Variants in ANKRD26 observed in about 807,000 individuals in gnomAD.
ANKRD26 encodes ankyrin repeat domain 26.
In ANKRD26, 141 loss-of-function variants were observed where a neutral mutation model predicts 208.7. The ratio of observed to expected loss-of-function variants is 0.68; its 90% CI spans 0.59 to 0.78. The LOEUF is 0.78. Ranked by LOEUF, ANKRD26 falls within the 30% of genes least tolerant of loss-of-function variation. The pLI is 0.00. For missense variants in ANKRD26, 1,889 were observed against 1,938.7 expected, an observed-to-expected ratio of 0.97 and a Z score of 0.48; for synonymous variants, 636 against 660.4, an observed-to-expected ratio of 0.96 and a Z score of 0.57.
chr10:27,053,051 G>A (rs1044213617), intron 16 of ANKRD26, among the ~76,000 whole-genome samples: 1 of 151,934 alleles, frequency 6.6e-6, no homozygotes, highest in Admixed American at 6.6e-5. Flanking sequence ...AAATGAAAGA[G>A]GAAACAATAC....
chr10:26,994,064 T>C (rs934196490), intron 5 of ANKRD26, among the ~76,000 whole-genome samples: 3 of 152,228 alleles, frequency 2.0e-5, no homozygotes, highest in Non-Finnish European at 4.4e-5. Context: ...ATCATTGTAA[T>C]GGCTATCATA....
chr10:27,003,929 C>T (rs924499417), downstream of ANKRD26, among the ~76,000 whole-genome samples: 1 of 152,106 alleles, frequency 6.6e-6, no homozygotes, highest in Non-Finnish European at 1.5e-5. Flanking sequence ...GAATTTTCCT[C>T]GGCTATCAAG....
In ANKRD26 at chr10:27,005,223, G is replaced by A. The variant is rs2052829638; in HGVS notation, c.*367C>T. 2.0e-6 allele frequency: 2 copies of A among 1,007,166 alleles called. No individual in the cohort carries two copies. The highest frequency in any genetic ancestry group is 2.4e-6 in the Non-Finnish European group (2 of 843,614). 62.4% of individuals were successfully genotyped at this position (1,007,166 alleles called of 1,614,324 possible). A position where few individuals can be genotyped will look rare whatever the true frequency, so the allele number is the denominator to read the frequency against. On this transcript the variant is annotated 3_prime_UTR_variant, in exon 34 of 34. Transcript: ENST00000376087. Reference sequence around the variant, plus strand: ...AACATGAACAATGACCACAGTTCCTGCACAACAAAATGATGTCTAAGTCCA... The same window carrying A: ...AACATGAACAATGACCACAGTTCCTACACAACAAAATGATGTCTAAGTCCA...
At chr10:26,998,731 T>C (rs377076502) in intron 4 of ANKRD26, among the ~76,000 whole-genome samples, 6 of 152,344 alleles carry the variant, frequency 3.9e-5, no homozygotes, top group South Asian at 2.1e-4. Flanking sequence ...GAGATGTCCC[T>C]ATAGGGTCCC....
At position 27,077,653 on chromosome 10, in the gene ANKRD26, G is replaced by GCT; in HGVS notation, c.853_854insAG (p.Ser285Ter). ...KPSLAKLMTA[S>*]QQSRKNLEAT... ...CTTACAATTTTTCCTGGATTGCTGA[G>GCT]AAGCAGTCATTAGCTTTGCTAAGCT... Residue 285 changes from serine to a stop codon, truncating the protein, a stop_gained and frameshift_variant, in exon 8 of 34, where the codon TCT becomes TAGCT. Transcript: ENST00000376087. LOFTEE classifies it high-confidence loss of function. 1 of 1,613,300 alleles carries GCT rather than the reference G, an allele frequency of 6.2e-7. No individual in the cohort carries two copies. Among genetic ancestry groups the GCT allele is most frequent in the African/African-American group, 1.3e-5 (1 of 75,020 alleles).
At chr10:26,982,254 T>C (rs1010554826) in intron 4 of ANKRD26, among the ~76,000 whole-genome samples, 4 of 152,176 alleles carry the variant, frequency 2.6e-5, no homozygotes, top group African/African-American at 9.7e-5. Flanking sequence ...GTAATTTTCT[T>C]CTGGGCAAAC....
chr10:27,077,664 T>C lies in ANKRD26; in HGVS notation c.843A>G (p.Leu281=). 6.2e-7 allele frequency: 1 copy of C among 1,613,194 alleles called. No individual in the cohort carries two copies. The highest frequency in any genetic ancestry group is 8.5e-7 in the Non-Finnish European group (1 of 1,179,900). ...KNVPKPSLAK[L]MTASQQSRKN... ...TCCTGGATTGCTGAGAAGCAGTCAT[T>C]AGCTTTGCTAAGCTTGGTTTTGGGA... Residue 281 remains leucine, a synonymous_variant, in exon 8 of 34, where the codon CTA becomes CTG. Transcript: ENST00000376087.
intron 23 of ANKRD26, among the ~76,000 whole-genome samples, chr10:27,036,330 T>C (rs765142680): frequency 1.7e-4 from 26 of 151,846 alleles, no homozygotes; most frequent in Admixed American, 3.3e-4. Flanking sequence ...AGTATCACAG[T>C]TTTGAAAAGG....
Position 27,090,787 on chromosome 10 carries a change from G to C in ANKRD26, c.638+1619C>G, listed in dbSNP as rs556552927. Among the ~76,000 whole-genome samples the C allele has an allele frequency of 5.3e-5, 8 of 152,192 alleles. No homozygotes were observed. The East Asian group carries it at 1.5e-3, about 29-fold the overall frequency. On this transcript the variant is annotated intron_variant, in intron 4 of 33. Coordinates refer to ENST00000376087, the MANE Select transcript of ANKRD26 (RefSeq NM_014915.3). The stretch of plus-strand genomic sequence containing the variant: ...GGGGTCAGATAAGAGCTATCTGCAG[G>C]CTTAAAACAGTATTAATAATAATGG...
At chr10:27,007,626 A>G (rs2052937494) in intron 32 of ANKRD26, among the ~76,000 whole-genome samples, 1 of 152,238 alleles carries the variant, frequency 6.6e-6, no homozygotes, top group Non-Finnish European at 1.5e-5. Flanking sequence ...ACTGCACTCC[A>G]GCCTGGATGA....
chr10:27,010,845 A>T (rs1460525866), intron 32 of ANKRD26, among the ~76,000 whole-genome samples: 1 of 152,150 alleles, frequency 6.6e-6, no homozygotes, highest in African/African-American at 2.4e-5. Context: ...TTTTGTACCC[A>T]GTAGGAAAAT....
intron 5 of ANKRD26, among the ~76,000 whole-genome samples, chr10:26,980,141 T>C (rs1314391982): frequency 1.3e-5 from 2 of 152,236 alleles, no homozygotes; most frequent in African/African-American, 4.8e-5. Context: ...CTCAAAGTTT[T>C]ATCAAAACAT....
chr10:26,958,284 C>A, the ANKRD26 span, among the ~76,000 whole-genome samples: 3 of 152,046 alleles, frequency 2.0e-5, no homozygotes, highest in African/African-American at 7.2e-5. Context: ...CTGGGTTTCA[C>A]CATGTTGGCT....
chr10:26,992,469 TACACACACAC>T (rs61459601), intron 5 of ANKRD26, among the ~76,000 whole-genome samples: 22 of 136,390 alleles, frequency 1.6e-4, no homozygotes, highest in African/African-American at 3.9e-4. Context: ...TACACACACG[TACACACACAC>T]ACACACACAC....
At position 27,071,159 on chromosome 10, in the gene ANKRD26, A is replaced by ATTTTTTT. The variant is rs71386906; in HGVS notation, c.1078-3880_1078-3874dup. Among the ~76,000 whole-genome samples the ATTTTTTT allele has an allele frequency of 1.2e-4, 10 of 85,864 alleles. 1 individual carries two copies. The highest frequency in any genetic ancestry group is 3.6e-4 in the African/African-American group (7 of 19,636). 56.3% of individuals were successfully genotyped at this position (85,864 alleles called of 152,430 possible). On this transcript the variant is annotated intron_variant, in intron 9 of 33. Transcript: ENST00000376087. ...GCAGAAATAAACAATTGCTACATTC[A>ATTTTTTT]TTTTTTTTTTTTTTTTTTTTTTTTG...
At chr10:27,056,120 C>T (rs866951171) in intron 15 of ANKRD26, among the ~76,000 whole-genome samples, 46 of 152,186 alleles carry the variant, frequency 3.0e-4, no homozygotes, top group African/African-American at 1.0e-3. Context: ...GTATTTTGTC[C>T]GGTTGTAGGT....
intron 4 of ANKRD26, among the ~76,000 whole-genome samples, chr10:26,981,720 C>T (rs2052311707): frequency 6.6e-6 from 1 of 152,166 alleles, no homozygotes; most frequent in African/African-American, 2.4e-5. Context: ...ACTTAGAGGC[C>T]TTGTTCCCCA....
Position 27,067,200 on chromosome 10 carries a change from G to T in ANKRD26, c.1164C>A (p.Asp388Glu), listed in dbSNP as rs772858473. Residue 388 changes from aspartate to glutamate, a missense_variant, in exon 10 of 34, where the codon GAC becomes GAA. By Grantham distance (45) the Asp-to-Glu change is conservative. Coordinates refer to ENST00000376087, the MANE Select transcript of ANKRD26 (RefSeq NM_014915.3). The stretch of plus-strand genomic sequence containing the variant: ...GCACTTCATCAACATAAGTCAAATT[G>T]TCATTATTTGTTTGCTCTAGTGGAG... ...ESAPLEQTNNDNLTYVDEVHK... is the reference protein window; with the variant it reads ...ESAPLEQTNNENLTYVDEVHK... 6.2e-7 allele frequency: 1 copy of T among 1,613,630 alleles called. No individual in the cohort carries two copies. Among genetic ancestry groups the T allele is most frequent in the Admixed American group, 1.7e-5 (1 of 60,010 alleles).
At chr10:27,014,776 T>G in intron 30 of ANKRD26, 65 bp from the exon 31 acceptor site, 3 of 1,356,758 alleles carry the variant, frequency 2.2e-6, no homozygotes, top group Non-Finnish European at 3.1e-6. Flanking sequence ...GGTCACCTAC[T>G]CGGTGTCTAA....
Sources: gnomAD v4.1 joint callset for allele counts (sites outside exome capture counted in the v4.1 genomes callset) on GRCh38, gnomAD v4.1.1 for gene constraint, MANE v1.5 for transcripts, NCBI Gene and HGNC (gene_info 2026-07-23, HGNC 2026-07-21) for gene names.